The following REG1B variants were observed in gnomAD, a reference collection of about 807,000 sequenced individuals.
The protein encoded by REG1B is regenerating family member 1 beta.
REG1B carries 21 observed loss-of-function variants against 20.4 expected under a neutral mutation model. That is an observed-to-expected ratio of 1.03 (90% CI 0.73 to 1.48). The LOEUF (loss-of-function observed/expected upper bound fraction) is 1.48, where lower values mean the gene tolerates loss of function less well. Among genes scored for constraint, REG1B ranks in the 40% most tolerant of loss-of-function variants. REG1B has a pLI of 0.00. For missense variants in REG1B, 247 were observed against 197.2 expected, an observed-to-expected ratio of 1.25 and a Z score of -1.51; for synonymous variants, 82 against 73.4, an observed-to-expected ratio of 1.12 and a Z score of -0.60.
chr2:79,086,923 C>T lies in REG1B; in HGVS notation c.72G>A (p.Glu24=). The T allele has an allele frequency of 6.2e-7, 1 of 1,612,704 alleles. No homozygotes were observed. Among genetic ancestry groups the T allele is most frequent in the Non-Finnish European group, 8.5e-7 (1 of 1,179,138 alleles). ...GGGGATTAGGCAGCTCTGTCTGGGACTCCTGGCCTGGGGAAAAAAAAAAGG... is the reference window on the plus strand; with the variant it reads ...GGGGATTAGGCAGCTCTGTCTGGGATTCCTGGCCTGGGGAAAAAAAAAAGG... ...LMFLSLSQGQ[E]SQTELPNPRI... The change falls in exon 3 of 6, where the codon GAG becomes GAA. Residue 24 remains glutamate (E), a synonymous_variant. Transcript: ENST00000305089.
rs768118109 is a variant in REG1B, at chr2:79,086,805, C to T, written c.183+7G>A. On this transcript the variant is annotated splice_region_variant and intron_variant, in intron 3 of 5. Coordinates refer to ENST00000305089, the MANE Select transcript of REG1B (RefSeq NM_006507.4). ...GCCTCCCTTCCCCTGCTGCTCTCCTCACTCACATCTGCATCAACCCAGGTC... is the reference window on the plus strand; with the variant it reads ...GCCTCCCTTCCCCTGCTGCTCTCCTTACTCACATCTGCATCAACCCAGGTC... 1.1e-5 allele frequency: 18 copies of T among 1,611,758 alleles called. No individual in the cohort carries two copies. The highest frequency in any genetic ancestry group is 4.5e-5 in the East Asian group (2 of 44,878).
At chr2:79,086,726 C>T in intron 3 of REG1B, 86 bp downstream of exon 3, 1 of 1,381,438 alleles carries the variant, frequency 7.2e-7, no homozygotes, top group African/African-American at 1.4e-5. Context: ...TCAATCTTAT[C>T]TCATTGCAGC....
chr2:79,085,327 G>A (rs1428547477), intron 5 of REG1B, 44 bp from the exon 6 acceptor site: 1 of 1,482,654 alleles, frequency 6.7e-7, no homozygotes, highest in South Asian at 1.1e-5. Flanking sequence ...ATCAGAAGGA[G>A]TGTAGCCCCT....
chr2:79,086,782 C>T (rs1349829684), intron 3 of REG1B, 30 bp downstream of exon 3: 4 of 1,595,452 alleles, frequency 2.5e-6, no homozygotes, highest in Non-Finnish European at 3.4e-6. Flanking sequence ...CTTCATAAGC[C>T]TCCCTTCCCC....
At position 79,085,689 on chromosome 2, in the gene REG1B, C is replaced by T. The variant is rs1336093590; in HGVS notation, c.322-86G>A. 3 of 750,788 alleles carry T rather than the reference C, an allele frequency of 4.0e-6. No homozygotes were observed. In the Admixed American group the frequency reaches 7.2e-5, roughly 18 times the overall value. 46.5% of individuals were successfully genotyped at this position (750,788 alleles called of 1,614,324 possible). On this transcript the variant is annotated intron_variant, in intron 4 of 5. Transcript: ENST00000305089. ...GCCTGTGTGCACACTCAGAAACAGGCCAAGTTATAGCAGAAAGAATAAACA... is the reference window on the plus strand; with the variant it reads ...GCCTGTGTGCACACTCAGAAACAGGTCAAGTTATAGCAGAAAGAATAAACA...
chr2:79,086,943 A>T lies in REG1B; in HGVS notation c.65-13T>A. The T allele has an allele frequency of 2.5e-6, 4 of 1,604,164 alleles. No individual in the cohort carries two copies. Among genetic ancestry groups the T allele is most frequent in the Non-Finnish European group, 3.4e-6 (4 of 1,171,128 alleles). On this transcript the variant is annotated splice_polypyrimidine_tract_variant and intron_variant, in intron 2 of 5. Transcript: ENST00000305089. ...TGGGACTCCTGGCCTGGGGAAAAAA[A>T]AAAGGAGATAATTAAGAAAGAATCG...
chr2:79,087,299 A>G (rs1672414420), intron 2 of REG1B: 1 of 554,566 alleles, frequency 1.8e-6, no homozygotes, highest in South Asian at 2.5e-5. Flanking sequence ...CCAAACTGCC[A>G]TCGCATATAG....
rs1299583237 is a variant in REG1B at position 79,085,257 on chromosome 2, A to G, written c.460T>C (p.Cys154Arg). ...SGFKKWKDES[C>R]EKKFSFVCKF... ...CAAACAAAGGAGAACTTCTTCTCAC[A>G]AGATTCATCCTTCCATTTCTTGAAT... The change falls in exon 6 of 6, where the codon TGT (cysteine) becomes CGT (arginine). Residue 154 changes from cysteine to arginine, a missense_variant. Cys to Arg is a radical substitution (Grantham distance 180). Transcript: ENST00000305089. The G allele has an allele frequency of 1.2e-6, 2 of 1,613,324 alleles. No individual in the cohort carries two copies. The highest frequency in any genetic ancestry group is 1.7e-6 in the Non-Finnish European group (2 of 1,179,302).
intron 4 of REG1B, 103 bp from the exon 5 acceptor site, chr2:79,085,706 G>A: frequency 1.5e-6 from 1 of 664,946 alleles, no homozygotes; most frequent in East Asian, 2.6e-5. Context: ...ATAGCAGAAA[G>A]AATAAACATT....
At chr2:79,086,094 T>G in intron 4 of REG1B, 1 of 428,126 alleles carries the variant, frequency 2.3e-6, no homozygotes, top group South Asian at 2.6e-5. Flanking sequence ...AATAGCAAAA[T>G]AGGGAAAAAG....
chr2:79,086,203 C>T (rs1672396555), intron 4 of REG1B, 164 bp downstream of exon 4: 1 of 711,546 alleles, frequency 1.4e-6, no homozygotes. Flanking sequence ...TCTCTAACTA[C>T]CTACACTGAA....
At position 79,086,448 on chromosome 2, in the gene REG1B, C is replaced by T. The variant is rs148472360; in HGVS notation, c.240G>A (p.Glu80=). Residue 80 remains glutamate (E), a synonymous_variant, in exon 4 of 6, where the codon GAG becomes GAA. Transcript: ENST00000305089. ...TAATCAGTGAGGCCACGAAGGCACC[C>T]TCCGCCTGGGTGAGCACAGACACCA... ...GNLVSVLTQA[E]GAFVASLIKE... is the part of the protein sequence containing the mutation. 4 of 1,613,952 alleles carry T rather than the reference C, an allele frequency of 2.5e-6. No homozygotes were observed. Among genetic ancestry groups the T allele is most frequent in the Non-Finnish European group, 1.7e-6 (2 of 1,180,000 alleles).
chr2:79,086,335 T>A, intron 4 of REG1B, 32 bp downstream of exon 4: 1 of 1,612,922 alleles, frequency 6.2e-7, no homozygotes, highest in South Asian at 1.1e-5. Context: ...TCAAAAATGT[T>A]TATAAGGAGA....
At position 79,087,535 on chromosome 2, in the gene REG1B, G is replaced by A. The variant is rs894790702; in HGVS notation, c.64+14C>T. 7 of 1,613,364 alleles carry A rather than the reference G, an allele frequency of 4.3e-6. No homozygotes were observed. The highest frequency in any genetic ancestry group is 1.3e-5 in the African/African-American group (1 of 74,972). ...CAGAGTTGGGGTTGTGGGAAGTGTG[G>A]GGGAAAATCTCACCTTGGCTCAGAG... On this transcript the variant is annotated intron_variant, in intron 2 of 5. Coordinates refer to ENST00000305089, the MANE Select transcript of REG1B (RefSeq NM_006507.4).
In REG1B at chr2:79,085,139, G is replaced by T; in HGVS notation, c.*77C>A. 9.9e-7 allele frequency: 1 copy of T among 1,010,498 alleles called. No homozygotes were observed. The highest frequency in any genetic ancestry group is 1.6e-6 in the Non-Finnish European group (1 of 635,816). The allele number at this position is 1,010,498 out of a possible 1,614,324, so 62.6% of individuals were successfully genotyped here. Reference sequence around the variant, plus strand: ...GGGAGGAGATGGTCTGAACTGAGTTGGAGACATAGTCTAGTTTAATTTTTG... The same window carrying T: ...GGGAGGAGATGGTCTGAACTGAGTTTGAGACATAGTCTAGTTTAATTTTTG... On this transcript the variant is annotated 3_prime_UTR_variant, in exon 6 of 6. Coordinates refer to ENST00000305089, the MANE Select transcript of REG1B (RefSeq NM_006507.4).
rs1252011292 is a variant in REG1B, at chr2:79,085,536, C to A, written c.389G>T (p.Ser130Ile). The A allele has an allele frequency of 6.2e-7, 1 of 1,613,784 alleles. No homozygotes were observed. Among genetic ancestry groups the A allele is most frequent in the Non-Finnish European group, 8.5e-7 (1 of 1,179,908 alleles). ...TGCACAGTAGCCAGCATTAGCACTG[C>A]TCGGGGATCCAGTGTCCCAGGACTT... Reference protein sequence around the residue: ...SYKSWDTGSPSSANAGYCASL... With the variant: ...SYKSWDTGSPISANAGYCASL... Residue 130 changes from serine (S) to isoleucine (I), a missense_variant, in exon 5 of 6, where the codon AGC (serine) becomes ATC (isoleucine). Physicochemically the swap from Ser to Ile is moderately radical, Grantham distance 142. Transcript: ENST00000305089.
chr2:79,087,317 CAG>C, intron 2 of REG1B: 2 of 568,878 alleles, frequency 3.5e-6, no homozygotes, highest in Non-Finnish European at 6.3e-6. Context: ...TAGATTCAAT[CAG>C]ATAAACTCAA....
chr2:79,087,289 C>T (rs1025666867), intron 2 of REG1B: 3 of 544,652 alleles, frequency 5.5e-6, no homozygotes, highest in African/African-American at 3.8e-5. Context: ...AAAACATCCC[C>T]CAAACTGCCA....
intron 4 of REG1B, chr2:79,085,816 G>A: frequency 2.5e-6 from 1 of 396,806 alleles, no homozygotes; most frequent in Non-Finnish European, 4.6e-6. Context: ...CAAATAATAA[G>A]TGTTCAGAAT....
Sources: gnomAD v4.1 joint callset for allele counts on GRCh38, gnomAD v4.1.1 for gene constraint, MANE v1.5 for transcripts, NCBI Gene and HGNC (gene_info 2026-07-23, HGNC 2026-07-21) for gene names.